The following HS6ST3 variants were observed in gnomAD, a reference collection of about 807,000 sequenced individuals.
HS6ST3 encodes the protein heparan sulfate 6-O-sulfotransferase 3, also known as heparan-sulfate 6-O-sulfotransferase 3.
HS6ST3 carries 12 observed loss-of-function variants against 36.7 expected under a neutral mutation model. The observed-to-expected ratio is 0.33, with a 90% confidence interval of 0.21 to 0.53. HS6ST3 has a LOEUF of 0.53. Among genes scored for constraint, HS6ST3 ranks in the 20% least tolerant of loss-of-function variants. The pLI is 0.95. For missense variants in HS6ST3, 584 were observed against 640.9 expected (o/e 0.91, Z 0.96); for synonymous variants, 240 against 257.5 (o/e 0.93, Z 0.65).
At chr13:96,157,854 C>T (rs775389780) in intron 1 of HS6ST3, among the ~76,000 whole-genome samples, 4 of 152,104 alleles carry the variant, frequency 2.6e-5, no homozygotes, top group Admixed American at 6.5e-5. Flanking sequence ...ATTAGCTCAA[C>T]GAAGCAGATA....
intron 1 of HS6ST3, among the ~76,000 whole-genome samples, chr13:96,715,298 T>A (rs551257288): frequency 6.6e-6 from 1 of 152,160 alleles, no homozygotes; most frequent in South Asian, 2.1e-4. Context: ...GAAGAACCAA[T>A]GTCTAGCTAG....
chr13:96,601,752 T>C (rs1199008519), intron 1 of HS6ST3, among the ~76,000 whole-genome samples: 1 of 152,236 alleles, frequency 6.6e-6, no homozygotes, highest in African/African-American at 2.4e-5. Context: ...ATTGTGATTA[T>C]TTCTTAATTT....
chr13:96,098,771 C>T (rs1163430245), intron 1 of HS6ST3, among the ~76,000 whole-genome samples: 2 of 152,228 alleles, frequency 1.3e-5, no homozygotes, highest in African/African-American at 2.4e-5. Context: ...ATCTGCTCTG[C>T]ACTTCAGTTT....
intron 1 of HS6ST3, among the ~76,000 whole-genome samples, chr13:96,548,262 C>A (rs544352064): frequency 1.3e-5 from 2 of 152,210 alleles, no homozygotes; most frequent in African/African-American, 4.8e-5. Flanking sequence ...GTAGGTTACA[C>A]GTCACATCCA....
chr13:96,733,117 C>A (rs1328824716), intron 1 of HS6ST3, among the ~76,000 whole-genome samples: 3 of 152,064 alleles, frequency 2.0e-5, no homozygotes, highest in Non-Finnish European at 4.4e-5. Context: ...ATTTGGATGC[C>A]TTTTATTTAT....
At chr13:96,103,598 T>C (rs2053827746) in intron 1 of HS6ST3, among the ~76,000 whole-genome samples, 1 of 152,208 alleles carries the variant, frequency 6.6e-6, no homozygotes, top group East Asian at 1.9e-4. Context: ...AGAAAATGAC[T>C]ACGAAGGCAC....
At chr13:96,368,189 C>G (rs1277857341) in intron 1 of HS6ST3, among the ~76,000 whole-genome samples, 1 of 152,108 alleles carries the variant, frequency 6.6e-6, no homozygotes, top group Non-Finnish European at 1.5e-5. Flanking sequence ...ACTCTAGGTT[C>G]TTATTCTATG....
Position 96,687,192 on chromosome 13 carries a change from G to A in HS6ST3, c.708-145298G>A, listed in dbSNP as rs978520364. On this transcript the variant is annotated intron_variant, in intron 1 of 1. Coordinates refer to ENST00000376705, the MANE Select transcript of HS6ST3 (RefSeq NM_153456.4). ...AATTCTGTTAAAAAATAATCTGTAC[G>A]GTGAGACCAATTTACACATTCTAGC... Among the ~76,000 whole-genome samples the A allele has an allele frequency of 1.2e-4, 18 of 151,254 alleles. 1 individual carries two copies. The highest frequency in any genetic ancestry group is 2.2e-4 in the African/African-American group (9 of 41,196).
chr13:96,418,074 GC>G (rs2055543659), intron 1 of HS6ST3, among the ~76,000 whole-genome samples: 2 of 152,054 alleles, frequency 1.3e-5, no homozygotes, highest in African/African-American at 4.8e-5. Flanking sequence ...GCACATCTCA[GC>G]CTTCTTGTGC....
intron 1 of HS6ST3, among the ~76,000 whole-genome samples, chr13:96,381,400 A>G (rs1040627989): frequency 8.2e-6 from 1 of 121,922 alleles, no homozygotes; most frequent in Non-Finnish European, 1.7e-5. Context: ...CTATGTATCT[A>G]TGTATCTATG....
intron 1 of HS6ST3, among the ~76,000 whole-genome samples, chr13:96,643,983 TA>T (rs1307695065): frequency 6.6e-6 from 1 of 151,958 alleles, no homozygotes; most frequent in Non-Finnish European, 1.5e-5. Flanking sequence ...GCTAGAGTTA[TA>T]AAAAAGTTGA....
intron 1 of HS6ST3, among the ~76,000 whole-genome samples, chr13:96,737,292 CAT>C (rs890900132): frequency 6.6e-6 from 1 of 152,096 alleles, no homozygotes. Flanking sequence ...TGTAAAGAAA[CAT>C]AGAATATAGA....
chr13:96,138,320 G>A (rs115084701), intron 1 of HS6ST3, among the ~76,000 whole-genome samples: 3,048 of 151,468 alleles, frequency 0.02, 88 homozygotes, highest in African/African-American at 0.068. Context: ...TAATAAGAGA[G>A]CTGAAAAAAC....
chr13:96,689,667 T>G (rs1161841362), intron 1 of HS6ST3, among the ~76,000 whole-genome samples: 2 of 145,514 alleles, frequency 1.4e-5, no homozygotes, highest in Non-Finnish European at 3.0e-5. Context: ...AATACCTGCT[T>G]TATAAACACC....
At chr13:96,289,458 G>T (rs61966895) in intron 1 of HS6ST3, among the ~76,000 whole-genome samples, 9,856 of 152,132 alleles carry the variant, frequency 0.065, 447 homozygotes, top group Middle Eastern at 0.11. Flanking sequence ...CCATGATAAA[G>T]GTGACATCTT....
intron 1 of HS6ST3, among the ~76,000 whole-genome samples, chr13:96,738,581 G>A (rs977603411): frequency 6.6e-6 from 1 of 152,082 alleles, no homozygotes; most frequent in African/African-American, 2.4e-5. Context: ...TGTTTAAATA[G>A]CAGAACATTT....
intron 1 of HS6ST3, among the ~76,000 whole-genome samples, chr13:96,365,610 A>C (rs913472103): frequency 1.3e-5 from 2 of 152,148 alleles, no homozygotes; most frequent in African/African-American, 4.8e-5. Flanking sequence ...TCTTTGTGAA[A>C]ACTCTTGTGT....
chr13:96,608,061 G>A (rs1033328778), intron 1 of HS6ST3, among the ~76,000 whole-genome samples: 7 of 152,108 alleles, frequency 4.6e-5, no homozygotes, highest in Non-Finnish European at 8.8e-5. Flanking sequence ...AATGATAATT[G>A]CAGTAGATTG....
chr13:96,098,206 G>T (rs949621983), intron 1 of HS6ST3, among the ~76,000 whole-genome samples: 4 of 152,278 alleles, frequency 2.6e-5, no homozygotes, highest in East Asian at 1.9e-4. Flanking sequence ...TCTTGAAAAG[G>T]TTAATGTAAT....
Sources: gnomAD v4.1 joint callset for allele counts (sites outside exome capture counted in the v4.1 genomes callset) on GRCh38, gnomAD v4.1.1 for gene constraint, MANE v1.5 for transcripts, NCBI Gene and HGNC (gene_info 2026-07-23, HGNC 2026-07-21) for gene names.